Variants in NAV1 observed in about 807,000 individuals in gnomAD.
NAV1 encodes pore membrane and/or filament interacting like protein 3.
Under a neutral mutation model 175.2 loss-of-function variants are expected in NAV1, and 18 were observed. The observed-to-expected ratio is 0.10, with a 90% CI of 0.07 to 0.15. NAV1 has a LOEUF of 0.15. Among genes scored for constraint, NAV1 ranks in the 10% least tolerant of loss-of-function variants. The pLI is 1.00. For synonymous variants in NAV1, 897 were observed against 978.7 expected, an observed-to-expected ratio of 0.92 and a Z score of 1.56; for missense variants, 1,731 against 2,436.6, an observed-to-expected ratio of 0.71 and a Z score of 6.10.
rs1671079077 is a variant in NAV1 at position 201,694,049 on chromosome 1, G to A, written c.758-18768G>A. Among the ~76,000 whole-genome samples, 1 of 152,240 alleles carries A rather than the reference G, an allele frequency of 6.6e-6. No homozygotes were observed. Among genetic ancestry groups the A allele is most frequent in the Admixed American group, 6.5e-5 (1 of 15,288 alleles). ...GTGTGTCCCCCAGTTTGGCTTCCTG[G>A]TGGGGGAGGGGACACACACAGACAT... On this transcript the variant is annotated intron_variant, in intron 1 of 29. Coordinates refer to ENST00000367296, the Ensembl canonical transcript of NAV1. The surrounding 1 kb of genome is among the most constrained non-coding windows in gnomAD (Gnocchi z 4.2).
chr1:201,619,748 G>A (rs563137647), upstream of NAV1, among the ~76,000 whole-genome samples: 12 of 152,342 alleles, frequency 7.9e-5, no homozygotes, highest in South Asian at 2.5e-3. Flanking sequence ...GCAGGGAATG[G>A]CATGAGCTAG....
chr1:201,605,861 G>T (rs1667660054), intron 2 of NAV1, among the ~76,000 whole-genome samples: 1 of 152,170 alleles, frequency 6.6e-6, no homozygotes, highest in Admixed American at 6.5e-5. Context: ...ACTGTGGGGG[G>T]GTGTGAGCCC....
At chr1:201,729,029 A>G (rs1193295030) in intron 3 of NAV1, among the ~76,000 whole-genome samples, 1 of 152,210 alleles carries the variant, frequency 6.6e-6, no homozygotes, top group Non-Finnish European at 1.5e-5. Context: ...GACAATCAAG[A>G]TGGGTAAGGA....
chr1:201,658,078 A>T (rs913444045), intron 1 of NAV1, among the ~76,000 whole-genome samples: 1 of 152,142 alleles, frequency 6.6e-6, no homozygotes, highest in Admixed American at 6.5e-5. Context: ...CGAGCAACAG[A>T]GCTAGGATTT....
chr1:201,576,673 G>A (rs1666700484), intron 1 of NAV1, among the ~76,000 whole-genome samples: 2 of 152,188 alleles, frequency 1.3e-5, no homozygotes, highest in Admixed American at 6.5e-5. Flanking sequence ...TGGGTCACGT[G>A]TTAGTTGCAA....
chr1:201,682,552 C>T (rs1197807070), intron 1 of NAV1, among the ~76,000 whole-genome samples: 2 of 152,156 alleles, frequency 1.3e-5, no homozygotes, highest in Non-Finnish European at 2.9e-5. Flanking sequence ...TTCTCCTTGG[C>T]ATACTCAAGG....
chr1:201,800,684 G>T (rs1055690056), intron 15 of NAV1, among the ~76,000 whole-genome samples: 1 of 152,004 alleles, frequency 6.6e-6, no homozygotes, highest in Non-Finnish European at 1.5e-5. Flanking sequence ...ATCCCAATCC[G>T]CAGAGGTAAG....
rs1038241598 is a variant in NAV1 at position 201,808,658 on chromosome 1, C to T, written c.4039-45C>T. 6.8e-6 allele frequency: 11 copies of T among 1,614,232 alleles called. No individual in the cohort carries two copies. Among genetic ancestry groups the T allele is most frequent in the East Asian group, 4.5e-5 (2 of 44,884 alleles). ...GCAGGAAAGGGAAGACCAAGGCTTG[C>T]TGTCTGTCCAGTCTGCCACCCTACC... is the stretch of plus-strand genomic sequence containing the variant. On this transcript the variant is annotated intron_variant, in intron 19 of 29. Coordinates refer to ENST00000367296, the Ensembl canonical transcript of NAV1. This position sits in a 1 kb window ranked among gnomAD's most constrained non-coding sequence, Gnocchi z 5.5.
At chr1:201,591,723 T>C (rs911412582) in intron 2 of NAV1, among the ~76,000 whole-genome samples, 1 of 152,052 alleles carries the variant, frequency 6.6e-6, no homozygotes, top group Admixed American at 6.5e-5. Flanking sequence ...TGCATCTCCC[T>C]CTCAAGAGCA....
chr1:201,726,150 G>A (rs1309050109), intron 3 of NAV1, among the ~76,000 whole-genome samples: 1 of 152,026 alleles, frequency 6.6e-6, no homozygotes, highest in Non-Finnish European at 1.5e-5. Flanking sequence ...GTGTAGGGAA[G>A]AAGCACTGGG....
chr1:201,578,385 G>T (rs1666753133), intron 1 of NAV1, among the ~76,000 whole-genome samples: 1 of 152,162 alleles, frequency 6.6e-6, no homozygotes, highest in African/African-American at 2.4e-5. Context: ...TGGGCTAGGG[G>T]TAGGAGTTCC....
intron 7 of NAV1, among the ~76,000 whole-genome samples, chr1:201,784,457 T>A (rs1429700789): frequency 1.3e-5 from 2 of 152,054 alleles, no homozygotes; most frequent in Admixed American, 1.3e-4. Flanking sequence ...CACACCTGGC[T>A]GCCCAGAATC....
chr1:201,648,603 C>A, exon 1 of NAV1: 1 of 1,278,012 alleles, frequency 7.8e-7, no homozygotes, highest in Non-Finnish European at 9.8e-7. Flanking sequence ...CCTGCGCTCC[C>A]GCCCCCTGCC....
rs1182349640 is a variant in NAV1, at chr1:201,694,658, C to G, written c.758-18159C>G. Among the ~76,000 whole-genome samples the G allele has an allele frequency of 6.6e-6, 1 of 152,112 alleles. No homozygotes were observed. The highest frequency in any genetic ancestry group is 2.4e-5 in the African/African-American group (1 of 41,424). On this transcript the variant is annotated intron_variant, in intron 1 of 29. Transcript: ENST00000367296. This position sits in a 1 kb window ranked among gnomAD's most constrained non-coding sequence, Gnocchi z 4.2. Reference sequence around the variant, plus strand: ...CAAAGATGAGAAGTGAACCGGGAGCCGTAAATAGCCAGGAGCCTGTGTTCT... The same window carrying G: ...CAAAGATGAGAAGTGAACCGGGAGCGGTAAATAGCCAGGAGCCTGTGTTCT...
Position 201,812,316 on chromosome 1 carries a change from T to A in NAV1, c.5025-149T>A, listed in dbSNP as rs1430820328. 1 of 764,446 alleles carries A rather than the reference T, an allele frequency of 1.3e-6. No homozygotes were observed. 47.4% of individuals were successfully genotyped at this position (764,446 alleles called of 1,614,324 possible). A position where few individuals can be genotyped will look rare whatever the true frequency, so the allele number is the denominator to read the frequency against. Reference sequence around the variant, plus strand: ...CTCTACCACCCCAGGGCTGCTGCTCTGAGTTCCGATGTCCCCACTATTACT... The same window carrying A: ...CTCTACCACCCCAGGGCTGCTGCTCAGAGTTCCGATGTCCCCACTATTACT... On this transcript the variant is annotated intron_variant, in intron 26 of 29. Coordinates refer to ENST00000367296, the Ensembl canonical transcript of NAV1. The surrounding 1 kb of genome is among the most constrained non-coding windows in gnomAD (Gnocchi z 4.6).
At position 201,782,632 on chromosome 1, in the gene NAV1, A is replaced by T; in HGVS notation, c.2120A>T (p.Gln707Leu). Residue 707 changes from glutamine (Q) to leucine (L), a missense_variant, in exon 6 of 30, where the codon CAG becomes CTG. Around this residue, in one of 13 missense-constraint regions of NAV1, gnomAD observed 634 missense variants for 766.8 expected, o/e 0.83. Coordinates refer to ENST00000367296, the Ensembl canonical transcript of NAV1. This position sits in a 1 kb window ranked among gnomAD's most constrained non-coding sequence, Gnocchi z 5.4. The stretch of plus-strand genomic sequence containing the variant: ...GACCCCAGTCTCCTCAGCACCAAGC[A>T]GGGAGGCCTTACGCCTTCCAGACTG... The T allele has an allele frequency of 6.2e-7, 1 of 1,614,102 alleles. No homozygotes were observed.
chr1:201,729,113 C>T (rs1672736753), intron 3 of NAV1, among the ~76,000 whole-genome samples: 1 of 152,176 alleles, frequency 6.6e-6, no homozygotes, highest in Admixed American at 6.5e-5. Context: ...TCCACTGTCT[C>T]CCCTCTTTAA....
At chr1:201,747,336 A>G (rs1673836370) in intron 3 of NAV1, among the ~76,000 whole-genome samples, 1 of 152,192 alleles carries the variant, frequency 6.6e-6, no homozygotes, top group African/African-American at 2.4e-5. Context: ...GTTCTATAAG[A>G]CTATACTAGA....
chr1:201,710,007 G>T (rs1671830968), intron 1 of NAV1, among the ~76,000 whole-genome samples: 1 of 152,102 alleles, frequency 6.6e-6, no homozygotes, highest in Non-Finnish European at 1.5e-5. Flanking sequence ...AATTGAGGAA[G>T]GGGCTAGGAT....
Sources: allele counts gnomAD v4.1 joint callset (sites outside exome capture counted in the v4.1 genomes callset), GRCh38; gene constraint gnomAD v4.1.1; regional missense constraint gnomAD v4.1.1; non-coding constraint Gnocchi (gnomAD v3.1); transcripts MANE v1.5; gene names NCBI Gene and HGNC (gene_info 2026-07-23, HGNC 2026-07-21).